Variants in MAP4 observed in about 807,000 individuals in gnomAD.
MAP4 encodes microtubule associated protein 4, also known as microtubule-associated protein 4.
MAP4 carries 76 observed loss-of-function variants against 170.2 expected under a neutral mutation model. The ratio of observed to expected loss-of-function variants is 0.45; its 90% CI spans 0.37 to 0.54. The LOEUF (loss-of-function observed/expected upper bound fraction) is 0.54. Among genes scored for constraint, MAP4 ranks in the 20% least tolerant of loss-of-function variants. The pLI, the probability that MAP4 is intolerant of heterozygous loss-of-function variation, is 0.00. For missense variants in MAP4, 2,506 were observed against 2,748.0 expected, an observed-to-expected ratio of 0.91 and a Z score of 1.97; for synonymous variants, 909 against 994.5, an observed-to-expected ratio of 0.91 and a Z score of 1.62.
chr3:48,049,231 G>A (rs1195998474), intron 1 of MAP4, among the ~76,000 whole-genome samples: 1 of 152,220 alleles, frequency 6.6e-6, no homozygotes, highest in Non-Finnish European at 1.5e-5. Flanking sequence ...GCTATGAACA[G>A]TTACGTACAA....
chr3:47,882,771 C>T (rs767160853), intron 10 of MAP4, among the ~76,000 whole-genome samples: 7 of 151,802 alleles, frequency 4.6e-5, no homozygotes, highest in Admixed American at 6.6e-5. Flanking sequence ...CCTACTGGAA[C>T]CTTACTTCCA....
intron 1 of MAP4, among the ~76,000 whole-genome samples, chr3:48,068,774 C>T (rs569286122): frequency 1.5e-4 from 23 of 152,096 alleles, no homozygotes; most frequent in Admixed American, 2.6e-4. Context: ...ACAGAGCGTC[C>T]GTCTCAAAGA....
intron 2 of MAP4, among the ~76,000 whole-genome samples, chr3:47,996,506 G>C (rs1240574818): frequency 6.6e-6 from 1 of 152,088 alleles, no homozygotes; most frequent in Non-Finnish European, 1.5e-5. Flanking sequence ...AGTGGAGCAA[G>C]CACATTAAAG....
At chr3:48,015,487 G>A (rs190956661) in intron 1 of MAP4, among the ~76,000 whole-genome samples, 1 of 152,262 alleles carries the variant, frequency 6.6e-6, no homozygotes, top group Non-Finnish European at 1.5e-5. Flanking sequence ...ACCCCACGTC[G>A]CCAGTGTGGG....
In MAP4 at chr3:47,998,645, C is replaced by A. The variant is rs1456280077; in HGVS notation, c.216G>T (p.Gln72His). The A allele has an allele frequency of 6.2e-7, 1 of 1,613,374 alleles. No homozygotes were observed. The highest frequency in any genetic ancestry group is 1.1e-5 in the South Asian group (1 of 91,072). ...SKKKPCSETS[Q>H]IEDTPSSKPT... ...TCTGGTTTAAATACTTACCTTCAAT[C>A]TGGCTAGTTTCTGAGCACGGTTTCT... The change falls in exon 2 of 21, where the codon CAG (glutamine) becomes CAT (histidine). Residue 72 changes from glutamine (Q) to histidine (H), a missense_variant. Transcript: ENST00000683076.
Position 47,909,799 on chromosome 3 carries a change from G to C in MAP4, c.4622C>G (p.Ala1541Gly). The change falls in exon 9 of 21, where the codon GCA becomes GGA. Residue 1541 changes from alanine (A) to glycine (G), a missense_variant. Physicochemically the swap from Ala to Gly is moderately conservative, Grantham distance 60. Transcript: ENST00000683076. The stretch of plus-strand genomic sequence containing the variant: ...TATCACATGCCCTTCATCGATCCCT[G>C]CTTCATTTTTCATGGAATCAGCAAG... ...AELADSMKNEAGIDEGHVIGE... is the reference protein window; with the variant it reads ...AELADSMKNEGGIDEGHVIGE... 1 of 1,613,906 alleles carries C rather than the reference G, an allele frequency of 6.2e-7. No individual in the cohort carries two copies. Among genetic ancestry groups the C allele is most frequent in the Non-Finnish European group, 8.5e-7 (1 of 1,179,866 alleles).
chr3:47,914,753 C>CT, intron 8 of MAP4, 64 bp downstream of exon 8: 41 of 1,592,756 alleles, frequency 2.6e-5, no homozygotes, highest in Non-Finnish European at 3.4e-5. Flanking sequence ...GAGACAATGT[C>CT]TACCATCACT....
intron 1 of MAP4, among the ~76,000 whole-genome samples, chr3:48,035,386 C>T (rs1386327122): frequency 6.6e-6 from 1 of 151,924 alleles, no homozygotes; most frequent in Non-Finnish European, 1.5e-5. Context: ...GCAATCCCAG[C>T]ACTTTGGGAG....
In MAP4 at chr3:47,875,746, T is replaced by C; in HGVS notation, c.5696A>G (p.Lys1899Arg). 6.2e-7 allele frequency: 1 copy of C among 1,613,794 alleles called. No individual in the cohort carries two copies. Among genetic ancestry groups the C allele is most frequent in the Non-Finnish European group, 8.5e-7 (1 of 1,179,970 alleles). ...ASGLVPAAPP[K>R]RPAVASARPS... ...CCTGGCAGAGGCGACGGCAGGGCGT[T>C]TGGGTGGGGCAGCTGGCACTAAGCC... is the stretch of plus-strand genomic sequence containing the variant. Residue 1899 changes from lysine (K) to arginine (R), a missense_variant, in exon 12 of 21, where the codon AAA becomes AGA. Lys to Arg is a conservative substitution (Grantham distance 26, BLOSUM62 2). This residue lies in a region of MAP4 where 487 missense variants were observed against 511.6 expected (regional missense o/e 0.95). Transcript: ENST00000683076.
intron 1 of MAP4, among the ~76,000 whole-genome samples, chr3:48,010,171 G>A (rs1039384728): frequency 6.6e-6 from 1 of 152,202 alleles, no homozygotes; most frequent in African/African-American, 2.4e-5. Flanking sequence ...AGGAATGAAG[G>A]TTTGGATCAC....
rs566064067 is a variant in MAP4 at position 48,077,451 on chromosome 3, A to C, written c.-20+11322T>G. ...ACAAGAACGAAACTCAGTCTCAAAAAAAAAAAAAAGAAAGAAAGAAAGAGA... is the reference window on the plus strand; with the variant it reads ...ACAAGAACGAAACTCAGTCTCAAAACAAAAAAAAAGAAAGAAAGAAAGAGA... On this transcript the variant is annotated intron_variant, in intron 1 of 18. Coordinates refer to the MAP4 transcript ENST00000360240. Among the ~76,000 whole-genome samples the C allele has an allele frequency of 3.4e-4, 52 of 151,630 alleles. 2 individuals are homozygous for C. The South Asian group carries it at 5.0e-3, about 15-fold the overall frequency.
chr3:47,936,476 A>C (rs1373515683), intron 3 of MAP4, among the ~76,000 whole-genome samples: 3 of 151,844 alleles, frequency 2.0e-5, no homozygotes, highest in Non-Finnish European at 4.4e-5. Context: ...GGAGAGACTT[A>C]TGGATCAGGT....
At chr3:47,915,412 G>A (rs939416143) in intron 7 of MAP4, among the ~76,000 whole-genome samples, 12 of 152,088 alleles carry the variant, frequency 7.9e-5, no homozygotes, top group Non-Finnish European at 1.3e-4. Context: ...CACCATGCCC[G>A]GTCAATGTTT....
chr3:48,029,082 G>C (rs2100114591), intron 1 of MAP4, among the ~76,000 whole-genome samples: 1 of 150,660 alleles, frequency 6.6e-6, no homozygotes, highest in Non-Finnish European at 1.5e-5. Flanking sequence ...GGAAGTTGAG[G>C]ATGAGTGAGT....
chr3:48,011,774 AGC>A (rs2100105396), intron 1 of MAP4, among the ~76,000 whole-genome samples: 1 of 152,164 alleles, frequency 6.6e-6, no homozygotes, highest in South Asian at 2.1e-4. Context: ...TTCCATGAAA[AGC>A]AACTATTCAG....
intron 10 of MAP4, among the ~76,000 whole-genome samples, chr3:47,885,115 A>G (rs1211354305): frequency 6.6e-6 from 1 of 152,068 alleles, no homozygotes. Flanking sequence ...TTGGCAATAG[A>G]GAACAGATTT....
chr3:47,996,327 T>A (rs1449382361), intron 2 of MAP4, among the ~76,000 whole-genome samples: 2 of 151,986 alleles, frequency 1.3e-5, no homozygotes, highest in African/African-American at 4.8e-5. Context: ...AAAAGGATAA[T>A]AACGTTGAGA....
At chr3:48,058,122 T>G (rs1350153226) in intron 1 of MAP4, among the ~76,000 whole-genome samples, 1 of 152,208 alleles carries the variant, frequency 6.6e-6, no homozygotes, top group African/African-American at 2.4e-5. Context: ...TTTCGTTGGC[T>G]GTAAATAAAG....
Position 47,909,698 on chromosome 3 carries a change from G to A in MAP4, c.4723C>T (p.Leu1575Phe). ...EKVTELAKGH[L>F]LPGVPVEDQS... ...TCTTCTACTGGCACTCCAGGAAGGA[G>A]GTGACCTTTTGCTAGCTCTGTGACT... Residue 1575 changes from leucine to phenylalanine, a missense_variant, in exon 9 of 21, where the codon CTC becomes TTC. By Grantham distance (22) the Leu-to-Phe change is conservative. This residue lies in a region of MAP4 where 2,008 missense variants were observed against 2,206.0 expected (regional missense o/e 0.91). Transcript: ENST00000683076. 6.2e-7 allele frequency: 1 copy of A among 1,613,972 alleles called. No individual in the cohort carries two copies. Among genetic ancestry groups the A allele is most frequent in the Non-Finnish European group, 8.5e-7 (1 of 1,179,888 alleles).
Sources: allele counts gnomAD v4.1 joint callset (sites outside exome capture counted in the v4.1 genomes callset), GRCh38; gene constraint gnomAD v4.1.1; regional missense constraint gnomAD v4.1.1; transcripts MANE v1.5; gene names NCBI Gene and HGNC (gene_info 2026-07-23, HGNC 2026-07-21).